The following AUTS2 variants were observed in gnomAD, a reference collection of about 807,000 sequenced individuals.
AUTS2 encodes activator of transcription and developmental regulator AUTS2.
Under a neutral mutation model 112.4 loss-of-function variants are expected in AUTS2, and 17 were observed. That is an observed-to-expected ratio of 0.15 (90% CI 0.10 to 0.23). The LOEUF is 0.23. Among genes scored for constraint, AUTS2 ranks in the 10% least tolerant of loss-of-function variants. The probability of loss-of-function intolerance (pLI) is 1.00; values close to 1 mark genes in which losing one functional copy is unlikely to be tolerated. For synonymous variants in AUTS2, 751 were observed against 702.7 expected (o/e 1.07, Z -1.09); for missense variants, 1,510 against 1,701.6 (o/e 0.89, Z 1.98).
At position 69,964,440 on chromosome 7, in the gene AUTS2, G is replaced by A. The variant is rs551323844; in HGVS notation, c.522+64942G>A. 2.0e-5 allele frequency among the ~76,000 whole-genome samples: 3 copies of A among 152,132 alleles called. No homozygotes were observed. The South Asian group carries it at 6.2e-4, about 31-fold the overall frequency. ...TAATAAAATATAAACTCATTAAAAA[G>A]CATTACTAAATTCTTACATTTTGTG... On this transcript the variant is annotated intron_variant, in intron 2 of 18. Transcript: ENST00000342771.
chr7:70,043,616 T>C (rs932276027), intron 2 of AUTS2, among the ~76,000 whole-genome samples: 1 of 146,332 alleles, frequency 6.8e-6, no homozygotes, highest in African/African-American at 2.5e-5. Flanking sequence ...TTTTTTTTTT[T>C]TTTTTATTTT....
At chr7:70,238,693 A>G (rs1196852458) in intron 4 of AUTS2, among the ~76,000 whole-genome samples, 1 of 151,808 alleles carries the variant, frequency 6.6e-6, no homozygotes, top group African/African-American at 2.4e-5. Context: ...GAGGACTAAG[A>G]TTTATTGCAT....
At chr7:70,378,767 A>G (rs1301464198) in intron 4 of AUTS2, among the ~76,000 whole-genome samples, 1 of 152,244 alleles carries the variant, frequency 6.6e-6, no homozygotes, top group East Asian at 1.9e-4. Flanking sequence ...AAATTTCAAA[A>G]TCAAACTACA....
intron 5 of AUTS2, among the ~76,000 whole-genome samples, chr7:70,483,192 G>A (rs545102818): frequency 7.9e-5 from 12 of 152,008 alleles, no homozygotes; most frequent in Admixed American, 7.2e-4. Flanking sequence ...ATGACTGGCT[G>A]TCTTCTACTG....
Position 70,705,525 on chromosome 7 carries a change from T to TA in AUTS2, c.742+6910dup, listed in dbSNP as rs1809690864. On this transcript the variant is annotated intron_variant, in intron 6 of 18. Transcript: ENST00000342771. ...TACCTACTTGCCCAGTCTGTGCTTTTAAAAAGTAGAAACAGCTGTCTATTG... is the reference window on the plus strand; with the variant it reads ...TACCTACTTGCCCAGTCTGTGCTTTTAAAAAAGTAGAAACAGCTGTCTATTG... Among the ~76,000 whole-genome samples the TA allele has an allele frequency of 3.3e-5, 5 of 152,326 alleles. No homozygotes were observed. In the South Asian group the frequency reaches 1.0e-3, roughly 32 times the overall value.
intron 1 of AUTS2, among the ~76,000 whole-genome samples, chr7:69,673,399 T>C (rs1796422833): frequency 6.6e-6 from 1 of 152,232 alleles, no homozygotes; most frequent in East Asian, 1.9e-4. Context: ...GGTCTGCCTA[T>C]GTGGCAGTTA....
At chr7:69,724,784 G>A (rs918702173) in intron 1 of AUTS2, among the ~76,000 whole-genome samples, 1 of 152,178 alleles carries the variant, frequency 6.6e-6, no homozygotes, top group African/African-American at 2.4e-5. Flanking sequence ...CGTGAAAAAT[G>A]TGGAATAACC....
Position 69,845,709 on chromosome 7 carries a change from A to G in AUTS2, c.310-53577A>G, listed in dbSNP as rs189859416. On this transcript the variant is annotated intron_variant, in intron 1 of 18. Coordinates refer to ENST00000342771, the MANE Select transcript of AUTS2 (RefSeq NM_015570.4). ...TCTAAAGCTGTGCTGGTGAACTACCACTGCATAGGGTGGCCCTCTGCTGAC... is the reference window on the plus strand; with the variant it reads ...TCTAAAGCTGTGCTGGTGAACTACCGCTGCATAGGGTGGCCCTCTGCTGAC... 2.6e-5 allele frequency among the ~76,000 whole-genome samples: 4 copies of G among 152,322 alleles called. No individual in the cohort carries two copies. The East Asian group carries it at 7.7e-4, about 29-fold the overall frequency.
intron 5 of AUTS2, among the ~76,000 whole-genome samples, chr7:70,480,388 G>A (rs1452797927): frequency 6.6e-6 from 1 of 152,170 alleles, no homozygotes; most frequent in African/African-American, 2.4e-5. Context: ...AATAGGATAC[G>A]TGCTTTTGCC....
At chr7:69,900,928 A>T (rs1163006339) in intron 2 of AUTS2, among the ~76,000 whole-genome samples, 1 of 152,140 alleles carries the variant, frequency 6.6e-6, no homozygotes, top group Non-Finnish European at 1.5e-5. Context: ...AGTATAACCT[A>T]TAATTTGTAC....
chr7:70,602,571 C>G (rs986379082), intron 5 of AUTS2, among the ~76,000 whole-genome samples: 1 of 152,158 alleles, frequency 6.6e-6, no homozygotes, highest in Non-Finnish European at 1.5e-5. Flanking sequence ...ATGAGATCAC[C>G]CTGAGTCTCA....
intron 4 of AUTS2, among the ~76,000 whole-genome samples, chr7:70,288,263 A>G (rs1467242364): frequency 6.6e-6 from 1 of 152,068 alleles, no homozygotes; most frequent in African/African-American, 2.4e-5. Flanking sequence ...TTAGCCAGGC[A>G]TGGTGGCGGG....
chr7:70,302,131 C>T (rs1211835996), intron 4 of AUTS2, among the ~76,000 whole-genome samples: 1 of 152,112 alleles, frequency 6.6e-6, no homozygotes, highest in Non-Finnish European at 1.5e-5. Context: ...TGCAATTAGG[C>T]CATGCACAGT....
At chr7:69,679,848 T>C (rs998996312) in intron 1 of AUTS2, among the ~76,000 whole-genome samples, 5 of 152,224 alleles carry the variant, frequency 3.3e-5, no homozygotes, top group African/African-American at 1.2e-4. Flanking sequence ...AATGGTTGAG[T>C]GTTGCCTTAC....
chr7:70,647,301 C>G (rs1416177943), intron 5 of AUTS2, among the ~76,000 whole-genome samples: 2 of 152,154 alleles, frequency 1.3e-5, no homozygotes, highest in African/African-American at 4.8e-5. Flanking sequence ...CTGGACGGCT[C>G]TGGGGGCCGT....
intron 1 of AUTS2, among the ~76,000 whole-genome samples, chr7:69,600,931 A>G (rs1441805867): frequency 1.3e-5 from 2 of 150,482 alleles, no homozygotes; most frequent in Non-Finnish European, 3.0e-5. Context: ...GGGCACCTGC[A>G]GCGTTGATTT....
chr7:69,601,006 AG>A (rs1220067630), intron 1 of AUTS2, among the ~76,000 whole-genome samples: 3 of 140,602 alleles, frequency 2.1e-5, no homozygotes, highest in Non-Finnish European at 3.1e-5. Context: ...AAAGGGAGGG[AG>A]GGGGAGACTG....
At chr7:70,048,904 T>G (rs1227053937) in intron 2 of AUTS2, among the ~76,000 whole-genome samples, 1 of 152,238 alleles carries the variant, frequency 6.6e-6, no homozygotes, top group Non-Finnish European at 1.5e-5. Flanking sequence ...AGGATCTATC[T>G]GTGTATATTG....
At chr7:69,730,428 A>G (rs1449881910) in intron 1 of AUTS2, among the ~76,000 whole-genome samples, 2 of 152,104 alleles carry the variant, frequency 1.3e-5, no homozygotes, top group African/African-American at 2.4e-5. Context: ...ATTAAAAGCA[A>G]TTTTTAAAAT....
Sources: gnomAD v4.1 joint callset for allele counts (sites outside exome capture counted in the v4.1 genomes callset) on GRCh38, gnomAD v4.1.1 for gene constraint, MANE v1.5 for transcripts, NCBI Gene and HGNC (gene_info 2026-07-23, HGNC 2026-07-21) for gene names.